Variants in FSTL4 observed in about 807,000 individuals in gnomAD.
FSTL4 encodes the protein follistatin like 4.
FSTL4 carries 28 observed loss-of-function variants against 78.2 expected under a neutral mutation model. The observed-to-expected ratio is 0.36, with a 90% CI of 0.27 to 0.49. The LOEUF is 0.49. FSTL4 is among the 20% of genes least tolerant of loss of function. The pLI, the probability that FSTL4 is intolerant of heterozygous loss-of-function variation, is 0.98. For missense variants in FSTL4, 922 were observed against 1,084.9 expected (o/e 0.85, Z 2.11); for synonymous variants, 422 against 440.5 (o/e 0.96, Z 0.53).
chr5:133,437,687 C>T (rs937790534), intron 3 of FSTL4, among the ~76,000 whole-genome samples: 8 of 151,638 alleles, frequency 5.3e-5, no homozygotes, highest in South Asian at 2.1e-4. Context: ...GACGGGGTTT[C>T]GCCATATTGG....
chr5:133,736,944 T>C, the FSTL4 span, among the ~76,000 whole-genome samples: 1 of 152,076 alleles, frequency 6.6e-6, no homozygotes. Context: ...AAAATGTTTG[T>C]GGGTACATAG....
intron 3 of FSTL4, among the ~76,000 whole-genome samples, chr5:133,463,303 C>T (rs1287836095): frequency 6.6e-6 from 1 of 152,208 alleles, no homozygotes; most frequent in Non-Finnish European, 1.5e-5. Context: ...TATCCAGGAT[C>T]CTCCACTCTT....
intron 1 of FSTL4, among the ~76,000 whole-genome samples, chr5:133,609,144 T>C (rs1277016533): frequency 1.3e-5 from 2 of 152,122 alleles, no homozygotes; most frequent in Non-Finnish European, 2.9e-5. Context: ...CTTTTTGTAA[T>C]CAACAGGACC....
intron 11 of FSTL4, chr5:133,221,078 C>T: frequency 1.5e-6 from 1 of 657,826 alleles, no homozygotes; most frequent in Non-Finnish European, 2.8e-6. Context: ...ATCAGTAAAG[C>T]ATGTCACAGG....
chr5:133,629,604 C>G, the FSTL4 span, among the ~76,000 whole-genome samples: 9 of 152,148 alleles, frequency 5.9e-5, no homozygotes, highest in Non-Finnish European at 1.3e-4. Context: ...TGAAAGTATT[C>G]CAAACAATAG....
At chr5:133,836,339 C>T in the FSTL4 span, among the ~76,000 whole-genome samples, 1 of 152,118 alleles carries the variant, frequency 6.6e-6, no homozygotes, top group African/African-American at 2.4e-5. Context: ...TCTTATAGTG[C>T]ATACCCTATA....
At chr5:133,510,478 T>G (rs1356797848) in intron 3 of FSTL4, among the ~76,000 whole-genome samples, 1 of 152,174 alleles carries the variant, frequency 6.6e-6, no homozygotes, top group Non-Finnish European at 1.5e-5. Flanking sequence ...CTGTCAGCTC[T>G]CCACGATTCA....
intron 4 of FSTL4, among the ~76,000 whole-genome samples, chr5:133,372,217 C>CTATCTATG (rs1554108966): frequency 1.3e-4 from 19 of 147,980 alleles, no homozygotes; most frequent in Middle Eastern, 3.4e-3. Flanking sequence ...GGGGAATTAT[C>CTATCTATG]TATCTATGTA....
intron 3 of FSTL4, among the ~76,000 whole-genome samples, chr5:133,534,069 G>C (rs1759306416): frequency 6.6e-6 from 1 of 151,724 alleles, no homozygotes; most frequent in Non-Finnish European, 1.5e-5. Context: ...ATAATAAACA[G>C]AAAGTTATTG....
chr5:133,287,192 T>C (rs1201077857), intron 6 of FSTL4, among the ~76,000 whole-genome samples: 1 of 151,954 alleles, frequency 6.6e-6, no homozygotes. Context: ...ATCGAGACCA[T>C]CCTGGCTAAC....
chr5:133,375,357 CT>C (rs1300190383), intron 4 of FSTL4, among the ~76,000 whole-genome samples: 11 of 132,946 alleles, frequency 8.3e-5, no homozygotes, highest in Non-Finnish European at 1.5e-4. Flanking sequence ...CTGGTTCTCT[CT>C]GATGGTAAAT....
At chr5:133,442,375 A>T (rs1198934839) in intron 3 of FSTL4, among the ~76,000 whole-genome samples, 2 of 152,182 alleles carry the variant, frequency 1.3e-5, no homozygotes, top group Non-Finnish European at 2.9e-5. Flanking sequence ...CTGGCCATTA[A>T]GTCATTAGAA....
intron 1 of FSTL4, among the ~76,000 whole-genome samples, chr5:133,609,056 C>G (rs1196266058): frequency 1.3e-5 from 2 of 152,114 alleles, no homozygotes; most frequent in Admixed American, 6.5e-5. Flanking sequence ...TTCATCCATT[C>G]TCTCTCTCAG....
chr5:133,407,250 C>A (rs1756384917), intron 3 of FSTL4, among the ~76,000 whole-genome samples: 1 of 152,214 alleles, frequency 6.6e-6, no homozygotes, highest in Admixed American at 6.5e-5. Flanking sequence ...TGCATGGACA[C>A]CTGGCCATTA....
chr5:133,836,189 T>G, the FSTL4 span, among the ~76,000 whole-genome samples: 5,569 of 152,290 alleles, frequency 0.037, 144 homozygotes, highest in South Asian at 0.12. Flanking sequence ...ACTGATATAT[T>G]TGAGTTTATA....
intron 3 of FSTL4, among the ~76,000 whole-genome samples, chr5:133,450,028 G>C (rs547926787): frequency 6.6e-6 from 1 of 152,180 alleles, no homozygotes; most frequent in Non-Finnish European, 1.5e-5. Context: ...ATGTGAAAGG[G>C]CTTTTGTGTT....
the FSTL4 span, among the ~76,000 whole-genome samples, chr5:133,741,222 G>A: frequency 1.3e-5 from 2 of 152,308 alleles, no homozygotes; most frequent in African/African-American, 2.4e-5. Flanking sequence ...CAGAACCTAA[G>A]GCAGGGATTT....
chr5:133,537,539 TCA>T (rs1759372726), intron 3 of FSTL4, among the ~76,000 whole-genome samples: 3 of 152,160 alleles, frequency 2.0e-5, no homozygotes, highest in African/African-American at 4.8e-5. Context: ...TTGTGAATAA[TCA>T]CAGTTTTGTT....
the FSTL4 span, among the ~76,000 whole-genome samples, chr5:133,680,220 A>G: frequency 6.6e-6 from 1 of 152,134 alleles, no homozygotes; most frequent in Non-Finnish European, 1.5e-5. Context: ...TTGTATGTTC[A>G]TTCATTTATT....
Sources: allele counts gnomAD v4.1 joint callset (sites outside exome capture counted in the v4.1 genomes callset), GRCh38; gene constraint gnomAD v4.1.1; transcripts MANE v1.5; gene names NCBI Gene and HGNC (gene_info 2026-07-23, HGNC 2026-07-21).